Variants in LRRC37A2 observed in about 807,000 individuals in gnomAD.
LRRC37A2 encodes the protein leucine rich repeat containing 37 member A2.
LRRC37A2 carries 9 observed loss-of-function variants against 68.8 expected under a neutral mutation model. The ratio of observed to expected loss-of-function variants is 0.13; its 90% confidence interval spans 0.08 to 0.23. The LOEUF (loss-of-function observed/expected upper bound fraction) is 0.23, where lower values mean the gene tolerates loss of function less well. Among genes scored for constraint, LRRC37A2 ranks in the 10% least tolerant of loss-of-function variants. The probability of loss-of-function intolerance (pLI) is 1.00; values close to 1 mark genes in which losing one functional copy is unlikely to be tolerated. For missense variants in LRRC37A2, 168 were observed against 950.4 expected, an observed-to-expected ratio of 0.18 and a Z score of 10.82; for synonymous variants, 63 against 367.6, an observed-to-expected ratio of 0.17 and a Z score of 9.48.
chr17:46,836,059 T>C, the LRRC37A2 span, among the ~76,000 whole-genome samples: 2 of 144,054 alleles, frequency 1.4e-5, no homozygotes, highest in Non-Finnish European at 3.0e-5. Context: ...TGCCACCTGC[T>C]GGGGCTCCCA....
the LRRC37A2 span, among the ~76,000 whole-genome samples, chr17:47,024,180 C>A: frequency 3.3e-5 from 5 of 152,274 alleles, no homozygotes; most frequent in South Asian, 1.0e-3. Flanking sequence ...CAGAGTGAGA[C>A]CCTGTCTCAA....
the LRRC37A2 span, among the ~76,000 whole-genome samples, chr17:46,990,478 T>TGAAG: frequency 1.3e-5 from 2 of 152,162 alleles, no homozygotes; most frequent in Non-Finnish European, 2.9e-5. Flanking sequence ...GTGAGAATCT[T>TGAAG]GAAGGATCTT....
At chr17:46,792,014 T>A in the LRRC37A2 span, among the ~76,000 whole-genome samples, 1 of 152,254 alleles carries the variant, frequency 6.6e-6, no homozygotes, top group Non-Finnish European at 1.5e-5. Context: ...CACTCCAGCC[T>A]GGGCAACAGA....
chr17:46,809,380 A>G, the LRRC37A2 span, among the ~76,000 whole-genome samples: 8 of 152,216 alleles, frequency 5.3e-5, no homozygotes, highest in Non-Finnish European at 1.0e-4. Context: ...GCTCTGGCAG[A>G]TAAGTGGGAC....
chr17:46,755,244 T>TC, the LRRC37A2 span: 1 of 1,185,250 alleles, frequency 8.4e-7, no homozygotes. Flanking sequence ...AACACTGCCT[T>TC]CTCATGAAGC....
At chr17:46,568,918 G>T in the LRRC37A2 span, among the ~76,000 whole-genome samples, 4 of 132,270 alleles carry the variant, frequency 3.0e-5, no homozygotes, top group Non-Finnish European at 4.8e-5. Flanking sequence ...TAGAAAAGAT[G>T]TAGAAAGGAT....
the LRRC37A2 span, among the ~76,000 whole-genome samples, chr17:46,922,344 G>T: frequency 3.3e-5 from 5 of 152,212 alleles, no homozygotes; most frequent in African/African-American, 4.8e-5. Context: ...GGGGTGGGGA[G>T]AGGGGGAAGG....
At chr17:47,018,658 A>C in the LRRC37A2 span, 36 of 1,520,244 alleles carry the variant, frequency 2.4e-5, no homozygotes, top group South Asian at 3.4e-4. Context: ...ATTAATAATG[A>C]GAACCCCTCT....
At chr17:46,735,013 G>A in the LRRC37A2 span, among the ~76,000 whole-genome samples, 16 of 152,102 alleles carry the variant, frequency 1.1e-4, no homozygotes, top group Admixed American at 7.9e-4. Flanking sequence ...TCTTACCACC[G>A]CACTCTAGCC....
chr17:46,754,330 TA>T, the LRRC37A2 span, among the ~76,000 whole-genome samples: 22 of 146,038 alleles, frequency 1.5e-4, no homozygotes, highest in South Asian at 2.2e-4. Flanking sequence ...GAAGAAATCT[TA>T]AAAAAAAAAG....
At chr17:46,995,995 G>A in the LRRC37A2 span, among the ~76,000 whole-genome samples, 1 of 152,114 alleles carries the variant, frequency 6.6e-6, no homozygotes, top group Non-Finnish European at 1.5e-5. Context: ...CCACTCAGCA[G>A]GATTCTGTTC....
chr17:46,845,224 C>T, the LRRC37A2 span, among the ~76,000 whole-genome samples: 3 of 152,130 alleles, frequency 2.0e-5, no homozygotes, highest in Admixed American at 6.6e-5. Context: ...AACACCCCAA[C>T]GTAGAGTCTT....
the LRRC37A2 span, among the ~76,000 whole-genome samples, chr17:46,830,233 T>C: frequency 6.6e-6 from 1 of 151,778 alleles, no homozygotes; most frequent in Non-Finnish European, 1.5e-5. Context: ...TCAGCAGGTG[T>C]GGTAATGTGG....
chr17:46,545,808 A>G (rs1273351009), intron 8 of LRRC37A2, among the ~76,000 whole-genome samples: 5 of 149,174 alleles, frequency 3.4e-5, no homozygotes, highest in African/African-American at 5.1e-5. Context: ...GTTATTTTTT[A>G]ACTCCGCAAT....
the LRRC37A2 span, among the ~76,000 whole-genome samples, chr17:46,972,300 C>T: frequency 6.6e-6 from 1 of 152,242 alleles, no homozygotes. Flanking sequence ...TCATATGCTT[C>T]CTCTTCCCCC....
At chr17:46,913,354 G>A in the LRRC37A2 span, among the ~76,000 whole-genome samples, 1 of 152,200 alleles carries the variant, frequency 6.6e-6, no homozygotes, top group Non-Finnish European at 1.5e-5. Flanking sequence ...TTCCACCCTC[G>A]GGCTAGTGAA....
chr17:46,989,064 C>T, the LRRC37A2 span, among the ~76,000 whole-genome samples: 1 of 152,178 alleles, frequency 6.6e-6, no homozygotes, highest in Non-Finnish European at 1.5e-5. Flanking sequence ...GCAATGCCAA[C>T]CCCTGCTCGA....
chr17:47,044,819 C>T, the LRRC37A2 span, among the ~76,000 whole-genome samples: 2 of 145,830 alleles, frequency 1.4e-5, no homozygotes, highest in Non-Finnish European at 3.0e-5. Flanking sequence ...CGAGACCAGC[C>T]TGGACAACAT....
At chr17:46,928,563 G>T in the LRRC37A2 span, among the ~76,000 whole-genome samples, 1 of 152,254 alleles carries the variant, frequency 6.6e-6, no homozygotes, top group South Asian at 2.1e-4. Flanking sequence ...CCAGACCGTG[G>T]GAAGCCTCCA....
Sources: gnomAD v4.1 joint callset for allele counts (sites outside exome capture counted in the v4.1 genomes callset) on GRCh38, gnomAD v4.1.1 for gene constraint, MANE v1.5 for transcripts, NCBI Gene and HGNC (gene_info 2026-07-23, HGNC 2026-07-21) for gene names.